SRGAP3: variants seen among roughly 807,000 people sequenced by gnomAD.
SRGAP3 encodes the protein SLIT-ROBO Rho GTPase activating protein 3.
Under a neutral mutation model 121.1 loss-of-function variants are expected in SRGAP3, and 39 were observed. That is an observed-to-expected ratio of 0.32 (90% CI 0.25 to 0.42). The LOEUF (loss-of-function observed/expected upper bound fraction) is 0.42. SRGAP3 is among the 10% of genes least tolerant of loss of function. SRGAP3 has a pLI of 1.00. For missense variants in SRGAP3, 1,213 were observed against 1,470.6 expected (o/e 0.82, Z 2.86); for synonymous variants, 601 against 570.0 (o/e 1.05, Z -0.77).
chr3:9,040,729 A>AT (rs1339167807), intron 10 of SRGAP3, among the ~76,000 whole-genome samples: 1 of 151,912 alleles, frequency 6.6e-6, no homozygotes, highest in African/African-American at 2.4e-5. Context: ...ACACCCAGCT[A>AT]TTTTTTTCTA....
At chr3:9,129,560 G>A (rs1048127709) in intron 1 of SRGAP3, among the ~76,000 whole-genome samples, 5 of 151,478 alleles carry the variant, frequency 3.3e-5, no homozygotes, top group African/African-American at 1.2e-4. Flanking sequence ...CCAGCCTGGT[G>A]ACCCTCTTTT....
chr3:9,032,593 C>T, intron 12 of SRGAP3, 57 bp downstream of exon 12: 1 of 1,511,882 alleles, frequency 6.6e-7, no homozygotes, highest in Non-Finnish European at 9.1e-7. Flanking sequence ...GGCGGGCGGA[C>T]AGAGGCTGCC....
chr3:9,121,896 G>A (rs1355948961), intron 2 of SRGAP3, among the ~76,000 whole-genome samples: 5 of 152,170 alleles, frequency 3.3e-5, no homozygotes, highest in African/African-American at 1.2e-4. Flanking sequence ...GAGTTGTGGG[G>A]TTCTGAGCCT....
At chr3:9,120,563 T>C (rs775692085) in intron 2 of SRGAP3, among the ~76,000 whole-genome samples, 4 of 152,166 alleles carry the variant, frequency 2.6e-5, no homozygotes, top group Non-Finnish European at 5.9e-5. Context: ...GAAGCCTGAG[T>C]TGGAAGTCAA....
At chr3:9,185,360 G>T (rs958123346) in intron 1 of SRGAP3, among the ~76,000 whole-genome samples, 1 of 152,142 alleles carries the variant, frequency 6.6e-6, no homozygotes, top group African/African-American at 2.4e-5. Context: ...CACCAAGACG[G>T]GGCAGGGAGG....
chr3:9,020,704 C>A (rs944158641), intron 14 of SRGAP3, among the ~76,000 whole-genome samples: 8 of 152,188 alleles, frequency 5.3e-5, no homozygotes, highest in African/African-American at 1.7e-4. Context: ...TTAGCCCAGG[C>A]CTTTGGCTCT....
chr3:9,027,958 T>C, intron 12 of SRGAP3: 1 of 984,854 alleles, frequency 1.0e-6, no homozygotes, highest in South Asian at 1.4e-5. Flanking sequence ...CTGTGAATTC[T>C]TTCCTTGATT....
At chr3:9,097,682 C>A (rs902344533) in intron 3 of SRGAP3, among the ~76,000 whole-genome samples, 1 of 152,354 alleles carries the variant, frequency 6.6e-6, no homozygotes. Context: ...CCCCCAGCTG[C>A]AGGAAAGTGC....
chr3:9,079,885 G>A, intron 4 of SRGAP3, 140 bp downstream of exon 4: 3 of 777,076 alleles, frequency 3.9e-6, no homozygotes, highest in East Asian at 2.7e-5. Context: ...ATCCTGACAC[G>A]ATGACCCACT....
chr3:9,291,655 TA>T (rs1222371828), intron 3 of SRGAP3, among the ~76,000 whole-genome samples: 1 of 151,816 alleles, frequency 6.6e-6, no homozygotes, highest in Non-Finnish European at 1.5e-5. Flanking sequence ...TTTGTTGTCT[TA>T]AATATATTTC....
intron 1 of SRGAP3, among the ~76,000 whole-genome samples, chr3:9,345,210 G>A (rs904951914): frequency 7.9e-5 from 12 of 152,182 alleles, no homozygotes; most frequent in African/African-American, 2.2e-4. Flanking sequence ...AGAAAAGCAG[G>A]CCAGGCATGA....
chr3:9,290,409 TG>T (rs1161554225), intron 3 of SRGAP3, among the ~76,000 whole-genome samples: 1 of 152,008 alleles, frequency 6.6e-6, no homozygotes, highest in Non-Finnish European at 1.5e-5. Context: ...GACAGGTGTG[TG>T]GGGGGACAGC....
chr3:9,048,067 C>T (rs969833580), intron 9 of SRGAP3, among the ~76,000 whole-genome samples: 5 of 152,202 alleles, frequency 3.3e-5, no homozygotes, highest in Non-Finnish European at 7.3e-5. Flanking sequence ...GAAGCTTGCA[C>T]CAGGAAGTGA....
At position 8,985,361 on chromosome 3, in the gene SRGAP3, A is replaced by T. The variant is rs1240102100; in HGVS notation, c.*158T>A. 9 of 1,404,794 alleles carry T rather than the reference A, an allele frequency of 6.4e-6. No individual in the cohort carries two copies. The highest frequency in any genetic ancestry group is 7.4e-6 in the Non-Finnish European group (8 of 1,075,310). 87.0% of individuals were successfully genotyped at this position (1,404,794 alleles called of 1,614,324 possible). A position where few individuals can be genotyped will look rare whatever the true frequency, so the allele number is the denominator to read the frequency against. ...ATTCCCATGGCTGGACGTGAGCTGC[A>T]GCCAGCGCCCGGGCCTCAGCTCTGC... is the stretch of plus-strand genomic sequence containing the variant. On this transcript the variant is annotated 3_prime_UTR_variant, in exon 22 of 22. Coordinates refer to ENST00000383836, the MANE Select transcript of SRGAP3 (RefSeq NM_014850.4). This position sits in a 1 kb window ranked among gnomAD's most constrained non-coding sequence, Gnocchi z 5.1.
intron 1 of SRGAP3, among the ~76,000 whole-genome samples, chr3:9,203,865 A>G (rs1381081411): frequency 3.9e-5 from 6 of 152,216 alleles, no homozygotes; most frequent in South Asian, 2.1e-4. Context: ...TTTGATCCTC[A>G]TAACAACCTT....
chr3:9,361,695 G>A (rs2030850355), intron 1 of SRGAP3, among the ~76,000 whole-genome samples: 1 of 152,028 alleles, frequency 6.6e-6, no homozygotes, highest in Non-Finnish European at 1.5e-5. Flanking sequence ...GGGTTAAACA[G>A]AAACCAGCCC....
In SRGAP3 at chr3:8,988,278, A is replaced by C. The variant is rs9826351; in HGVS notation, c.2886+2234T>G. On this transcript the variant is annotated intron_variant, in intron 21 of 21. Transcript: ENST00000383836. ...CCTCTTTAAGTGGGTTCACATCTAAATCCTAAGGGACATTTTGAGACCAAA... is the reference window on the plus strand; with the variant it reads ...CCTCTTTAAGTGGGTTCACATCTAACTCCTAAGGGACATTTTGAGACCAAA... Among the ~76,000 whole-genome samples, 1,424 of 152,218 alleles carry C rather than the reference A, an allele frequency of 9.4e-3. 24 individuals carry two copies. Among genetic ancestry groups the C allele is most frequent in the African/African-American group, 0.033 (1,364 of 41,514 alleles).
chr3:9,243,082 G>C (rs1432934315), intron 1 of SRGAP3, among the ~76,000 whole-genome samples: 2 of 152,164 alleles, frequency 1.3e-5, no homozygotes, highest in Non-Finnish European at 2.9e-5. Flanking sequence ...CTGCCCTCAA[G>C]AGTTCGTGGC....
chr3:9,106,906 TCCCCA>T, intron 2 of SRGAP3, among the ~76,000 whole-genome samples: 1 of 151,968 alleles, frequency 6.6e-6, no homozygotes, highest in East Asian at 1.9e-4. Context: ...TGAACTGCTG[TCCCCA>T]CCCCACCCCC....
Sources: allele counts gnomAD v4.1 joint callset (sites outside exome capture counted in the v4.1 genomes callset), GRCh38; gene constraint gnomAD v4.1.1; non-coding constraint Gnocchi (gnomAD v3.1); transcripts MANE v1.5; gene names NCBI Gene and HGNC (gene_info 2026-07-23, HGNC 2026-07-21).